PPME1: variants seen among roughly 807,000 people sequenced by gnomAD.
PPME1 encodes protein phosphatase methylesterase 1, also known as testicular secretory protein Li 39.
In PPME1, 17 loss-of-function variants were observed where a neutral mutation model predicts 56.9. The ratio of observed to expected loss-of-function variants is 0.30; its 90% CI spans 0.20 to 0.45. The LOEUF (loss-of-function observed/expected upper bound fraction) is 0.45, where lower values mean the gene tolerates loss of function less well. PPME1 is among the 20% of genes least tolerant of loss of function. The pLI, the probability that PPME1 is intolerant of heterozygous loss-of-function variation, is 1.00. For synonymous variants in PPME1, 122 were observed against 156.2 expected (o/e 0.78, Z 1.63); for missense variants, 357 against 483.2 (o/e 0.74, Z 2.45).
chr11:74,221,406 G>T (rs1425063718), intron 3 of PPME1, among the ~76,000 whole-genome samples: 1 of 152,090 alleles, frequency 6.6e-6, no homozygotes, highest in Non-Finnish European at 1.5e-5. Context: ...AATAGAAATA[G>T]AATCAGACTT....
intron 3 of PPME1, among the ~76,000 whole-genome samples, chr11:74,220,646 A>G (rs193069965): frequency 2.6e-5 from 4 of 152,320 alleles, no homozygotes; most frequent in Admixed American, 2.6e-4. Context: ...GTGAGGAGAA[A>G]GTTAGGTAAT....
intron 9 of PPME1, 109 bp from the exon 10 acceptor site, chr11:74,245,967 T>TG: frequency 7.7e-7 from 1 of 1,306,964 alleles, no homozygotes; most frequent in Non-Finnish European, 1.0e-6. Flanking sequence ...TAGTAGGTCC[T>TG]TAATAAGTGC....
chr11:74,220,471 C>A (rs1858769888), intron 3 of PPME1, among the ~76,000 whole-genome samples: 1 of 152,150 alleles, frequency 6.6e-6, no homozygotes, highest in Non-Finnish European at 1.5e-5. Context: ...GTGATTGATT[C>A]TGTTATGTAG....
At chr11:74,195,455 C>T (rs2135610039) in intron 1 of PPME1, among the ~76,000 whole-genome samples, 1 of 152,266 alleles carries the variant, frequency 6.6e-6, no homozygotes, top group South Asian at 2.1e-4. Flanking sequence ...AATTTATTTT[C>T]ACTGCTATGC....
At chr11:74,251,955 A>G in intron 13 of PPME1, 3 of 703,996 alleles carry the variant, frequency 4.3e-6, no homozygotes, top group Non-Finnish European at 7.9e-6. Flanking sequence ...GCCTAGTCTC[A>G]CTCCCCACTG....
intron 1 of PPME1, among the ~76,000 whole-genome samples, chr11:74,187,966 G>C (rs1857730670): frequency 6.6e-6 from 1 of 152,162 alleles, no homozygotes; most frequent in Non-Finnish European, 1.5e-5. Flanking sequence ...CCAAGTCAGA[G>C]CCTGAGAGAT....
chr11:74,241,345 G>A (rs997436014), intron 9 of PPME1, among the ~76,000 whole-genome samples: 14 of 152,208 alleles, frequency 9.2e-5, no homozygotes, highest in African/African-American at 3.4e-4. Flanking sequence ...GTTGAATAAT[G>A]TGACATTGTA....
chr11:74,174,113 A>G (rs1325232595), intron 1 of PPME1, among the ~76,000 whole-genome samples: 3 of 150,364 alleles, frequency 2.0e-5, no homozygotes, highest in African/African-American at 2.5e-5. Flanking sequence ...GAGAGAAAGC[A>G]TAGACATGGT....
chr11:74,250,892 G>A, intron 11 of PPME1, 62 bp from the exon 12 acceptor site: 1 of 1,413,498 alleles, frequency 7.1e-7, no homozygotes, highest in Non-Finnish European at 9.8e-7. Context: ...AATGACCTAT[G>A]AGGCTGCATA....
intron 1 of PPME1, among the ~76,000 whole-genome samples, chr11:74,180,946 C>G (rs993271095): frequency 1.3e-5 from 2 of 151,960 alleles, no homozygotes; most frequent in African/African-American, 4.8e-5. Flanking sequence ...AAGTCATGTC[C>G]TAAGCAGTGG....
intron 1 of PPME1, among the ~76,000 whole-genome samples, chr11:74,173,008 A>G (rs1026462558): frequency 6.6e-6 from 1 of 152,178 alleles, no homozygotes; most frequent in Non-Finnish European, 1.5e-5. Flanking sequence ...GGGTGGAAAA[A>G]CCAGGGAAGG....
rs563175143 is a variant in PPME1, at chr11:74,230,347, A to T, written c.501A>T (p.Ser167=). ...MGGAIAVHTA[S]SNLVPSLLGL... is the part of the protein sequence containing the mutation. Reference sequence around the variant, plus strand: ...GTGCTATTGCAGTCCACACAGCATCATCCAACCTGGTACCAAGCCTCTTGG... The same window carrying T: ...GTGCTATTGCAGTCCACACAGCATCTTCCAACCTGGTACCAAGCCTCTTGG... The change falls in exon 6 of 14, where the codon TCA becomes TCT. Residue 167 remains serine (S), a synonymous_variant. Coordinates refer to ENST00000328257, the MANE Select transcript of PPME1 (RefSeq NM_016147.3). The surrounding 1 kb of genome is among the most constrained non-coding windows in gnomAD (Gnocchi z 4.9). 3.7e-6 allele frequency: 6 copies of T among 1,613,912 alleles called. No individual in the cohort carries two copies. The highest frequency in any genetic ancestry group is 5.1e-6 in the Non-Finnish European group (6 of 1,179,824).
At chr11:74,207,080 T>A (rs1262098462) in intron 3 of PPME1, among the ~76,000 whole-genome samples, 1 of 152,124 alleles carries the variant, frequency 6.6e-6, no homozygotes, top group Non-Finnish European at 1.5e-5. Context: ...TGAAGACTGC[T>A]TTTATGCCAC....
chr11:74,229,788 G>T (rs971318233), intron 5 of PPME1, among the ~76,000 whole-genome samples: 1 of 152,136 alleles, frequency 6.6e-6, no homozygotes, highest in Non-Finnish European at 1.5e-5. Flanking sequence ...AGATCACATA[G>T]TGAAAAATAA....
In PPME1 at chr11:74,230,331, C is replaced by T; in HGVS notation, c.485C>T (p.Ala162Val). The T allele has an allele frequency of 1.2e-6, 2 of 1,613,796 alleles. No individual in the cohort carries two copies. Among genetic ancestry groups the T allele is most frequent in the Non-Finnish European group, 1.7e-6 (2 of 1,179,760 alleles). Residue 162 changes from alanine (A) to valine (V), a missense_variant, in exon 6 of 14, where the codon GCA (alanine) becomes GTA (valine). Physicochemically the swap from Ala to Val is moderately conservative, Grantham distance 64 (BLOSUM62 0). Coordinates refer to ENST00000328257, the MANE Select transcript of PPME1 (RefSeq NM_016147.3). The surrounding 1 kb of genome is among the most constrained non-coding windows in gnomAD (Gnocchi z 4.9). ...GGACATAGCATGGGTGGTGCTATTG[C>T]AGTCCACACAGCATCATCCAACCTG... ...LIGHSMGGAI[A>V]VHTASSNLVP... is the part of the protein sequence containing the mutation.
In PPME1 at chr11:74,171,412, C is replaced by A; in HGVS notation, c.-10C>A. 1 of 1,607,712 alleles carries A rather than the reference C, an allele frequency of 6.2e-7. No homozygotes were observed. The highest frequency in any genetic ancestry group is 8.5e-7 in the Non-Finnish European group (1 of 1,177,250). On this transcript the variant is annotated 5_prime_UTR_variant, in exon 1 of 14. Transcript: ENST00000328257. ...CTACTGTTTGACTACGTGCGTGCAG[C>A]CTCCCCTCGATGTCGGCCCTCGAAA...
intron 3 of PPME1, among the ~76,000 whole-genome samples, chr11:74,215,230 A>G (rs981873863): frequency 6.6e-6 from 1 of 152,074 alleles, no homozygotes; most frequent in Non-Finnish European, 1.5e-5. Flanking sequence ...AGACCCAGCT[A>G]CTTGGGAGGC....
chr11:74,200,495 CTT>C, intron 1 of PPME1, among the ~76,000 whole-genome samples: 1 of 151,904 alleles, frequency 6.6e-6, no homozygotes, highest in Admixed American at 6.6e-5. Flanking sequence ...GATTCTCCTG[CTT>C]CAGCCTTCCC....
chr11:74,253,372 G>A, intron 13 of PPME1, 120 bp from the exon 14 acceptor site: 2 of 988,194 alleles, frequency 2.0e-6, no homozygotes, highest in South Asian at 1.5e-5. Flanking sequence ...GCTGTGAAAT[G>A]GGTCAGATTT....
Sources: allele counts gnomAD v4.1 joint callset (sites outside exome capture counted in the v4.1 genomes callset), GRCh38; gene constraint gnomAD v4.1.1; non-coding constraint Gnocchi (gnomAD v3.1); transcripts MANE v1.5; gene names NCBI Gene and HGNC (gene_info 2026-07-23, HGNC 2026-07-21).